FBXL7: variants seen among roughly 807,000 people sequenced by gnomAD.
FBXL7 encodes F-box/LRR-repeat protein 7.
Under a neutral mutation model 38.3 loss-of-function variants are expected in FBXL7, and 12 were observed. That is an observed-to-expected ratio of 0.31 (90% CI 0.20 to 0.51). The LOEUF is 0.51. Among genes scored for constraint, FBXL7 ranks in the 20% least tolerant of loss-of-function variants. FBXL7 has a pLI of 0.98. For synonymous variants in FBXL7, 297 were observed against 300.9 expected (o/e 0.99, Z 0.13); for missense variants, 567 against 676.4 (o/e 0.84, Z 1.79).
At chr5:15,741,584 G>T (rs1192433208) in intron 2 of FBXL7, among the ~76,000 whole-genome samples, 1 of 152,060 alleles carries the variant, frequency 6.6e-6, no homozygotes, top group Admixed American at 6.6e-5. Context: ...CAAAAATGCT[G>T]CTCTTGGGTA....
At chr5:15,546,861 G>A (rs1375621242) in intron 1 of FBXL7, among the ~76,000 whole-genome samples, 1 of 152,192 alleles carries the variant, frequency 6.6e-6, no homozygotes, top group Non-Finnish European at 1.5e-5. Flanking sequence ...AATTAATTGG[G>A]TGGAGGGGCA....
At chr5:15,612,880 G>A (rs1219621637) in intron 1 of FBXL7, among the ~76,000 whole-genome samples, 1 of 152,126 alleles carries the variant, frequency 6.6e-6, no homozygotes, top group Non-Finnish European at 1.5e-5. Flanking sequence ...AGTGAGTACT[G>A]TATTTAAATT....
At chr5:15,703,566 TA>T (rs1239317774) in intron 2 of FBXL7, among the ~76,000 whole-genome samples, 2 of 152,176 alleles carry the variant, frequency 1.3e-5, no homozygotes, top group Non-Finnish European at 2.9e-5. Context: ...AAAATAAAAT[TA>T]ATTTAGCAAA....
chr5:15,582,478 G>A (rs763033899), intron 1 of FBXL7, among the ~76,000 whole-genome samples: 1 of 152,120 alleles, frequency 6.6e-6, no homozygotes, highest in South Asian at 2.1e-4. Context: ...CATACCTGTG[G>A]AGTTATCCCA....
chr5:15,676,244 C>A (rs923095659), intron 2 of FBXL7, among the ~76,000 whole-genome samples: 1 of 152,154 alleles, frequency 6.6e-6, no homozygotes, highest in Non-Finnish European at 1.5e-5. Flanking sequence ...CTATCTAAAC[C>A]ATCTTTGTAG....
intron 2 of FBXL7, among the ~76,000 whole-genome samples, chr5:15,736,462 G>A (rs1735752019): frequency 6.6e-6 from 1 of 152,164 alleles, no homozygotes; most frequent in Non-Finnish European, 1.5e-5. Flanking sequence ...TTATACAACA[G>A]TAGATTTTTC....
intron 2 of FBXL7, among the ~76,000 whole-genome samples, chr5:15,658,600 G>A (rs7725756): frequency 0.47 from 70,886 of 151,792 alleles, 17,175 homozygotes; most frequent in African/African-American, 0.6. Context: ...CATGTCTCCA[G>A]AAACCGAGCT....
Position 15,522,166 on chromosome 5 carries a change from TTTA to T in FBXL7, c.37+21459_37+21461del, listed in dbSNP as rs1365129210. Among the ~76,000 whole-genome samples the T allele has an allele frequency of 1.3e-4, 20 of 152,302 alleles. 1 individual carries two copies. The East Asian group carries it at 2.3e-3, about 18-fold the overall frequency. On this transcript the variant is annotated intron_variant, in intron 1 of 3. Transcript: ENST00000504595. The stretch of plus-strand genomic sequence containing the variant: ...GTTTGATTGGCTCCTTCATTACTAT[TTTA>T]TTATTCTTCCAGCTCTAGTGGGTCT...
chr5:15,595,824 G>C (rs1739610596), intron 1 of FBXL7, among the ~76,000 whole-genome samples: 1 of 152,204 alleles, frequency 6.6e-6, no homozygotes, highest in African/African-American at 2.4e-5. Flanking sequence ...TGGTGTGGTG[G>C]TGAGGTCTCT....
chr5:15,812,743 T>C (rs771934793), intron 2 of FBXL7, among the ~76,000 whole-genome samples: 38 of 152,206 alleles, frequency 2.5e-4, no homozygotes, highest in Admixed American at 1.7e-3. Context: ...TTTCATGATA[T>C]TGATTCTTCC....
At chr5:15,866,752 A>T (rs569149609) in intron 2 of FBXL7, among the ~76,000 whole-genome samples, 4 of 149,282 alleles carry the variant, frequency 2.7e-5, no homozygotes, top group Non-Finnish European at 4.4e-5. Flanking sequence ...ATAAGTGAGA[A>T]TATGCGGTAT....
intron 2 of FBXL7, among the ~76,000 whole-genome samples, chr5:15,701,975 A>C (rs1743537801): frequency 6.6e-6 from 1 of 152,186 alleles, no homozygotes; most frequent in Admixed American, 6.5e-5. Flanking sequence ...GCGGTGGTTC[A>C]CGCCTGTAAT....
chr5:15,625,169 A>G (rs1421951347), intron 2 of FBXL7, among the ~76,000 whole-genome samples: 2 of 152,234 alleles, frequency 1.3e-5, no homozygotes, highest in East Asian at 1.9e-4. Flanking sequence ...GAAGGCAAAT[A>G]TTAGTATTCT....
intron 2 of FBXL7, among the ~76,000 whole-genome samples, chr5:15,880,320 A>G (rs934313539): frequency 1.3e-5 from 2 of 152,182 alleles, no homozygotes; most frequent in African/African-American, 4.8e-5. Flanking sequence ...CAAGCACCAG[A>G]CGTTTTTAGC....
At chr5:15,923,362 T>C (rs973238008) in intron 2 of FBXL7, among the ~76,000 whole-genome samples, 1 of 152,230 alleles carries the variant, frequency 6.6e-6, no homozygotes, top group Non-Finnish European at 1.5e-5. Flanking sequence ...TTTGAAGCCA[T>C]GCTTTATTTT....
chr5:15,599,310 A>G (rs1739716363), intron 1 of FBXL7, among the ~76,000 whole-genome samples: 1 of 152,146 alleles, frequency 6.6e-6, no homozygotes, highest in South Asian at 2.1e-4. Flanking sequence ...TAATCCAGCT[A>G]TGCTTTGGTG....
At chr5:15,792,206 C>T (rs1276739610) in intron 2 of FBXL7, among the ~76,000 whole-genome samples, 1 of 152,140 alleles carries the variant, frequency 6.6e-6, no homozygotes, top group African/African-American at 2.4e-5. Flanking sequence ...TTAAAGCAAA[C>T]TCTTCTGGAC....
intron 1 of FBXL7, among the ~76,000 whole-genome samples, chr5:15,559,298 A>C (rs1289711074): frequency 1.3e-5 from 2 of 152,212 alleles, no homozygotes; most frequent in East Asian, 3.9e-4. Flanking sequence ...TCCCATTCAG[A>C]TAACATAACC....
intron 1 of FBXL7, among the ~76,000 whole-genome samples, chr5:15,615,283 G>C (rs1740408642): frequency 6.6e-6 from 1 of 152,154 alleles, no homozygotes; most frequent in Non-Finnish European, 1.5e-5. Context: ...ATTTGGGCTG[G>C]ATAATTCTTT....
Sources: gnomAD v4.1 joint callset for allele counts (sites outside exome capture counted in the v4.1 genomes callset) on GRCh38, gnomAD v4.1.1 for gene constraint, MANE v1.5 for transcripts, NCBI Gene and HGNC (gene_info 2026-07-23, HGNC 2026-07-21) for gene names.